Variants in CACNA2D3 observed in about 807,000 individuals in gnomAD.
CACNA2D3 encodes the protein voltage-dependent calcium channel subunit alpha-2/delta-3.
A neutral mutation model predicts 160.6 loss-of-function variants in CACNA2D3; 60 were observed. The observed-to-expected ratio is 0.37, with a 90% confidence interval of 0.30 to 0.46. CACNA2D3 has a LOEUF of 0.46. CACNA2D3 is among the 20% of genes least tolerant of loss of function. The pLI is 1.00. For missense variants in CACNA2D3, 1,205 were observed against 1,365.0 expected (o/e 0.88, Z 1.85); for synonymous variants, 558 against 492.9 (o/e 1.13, Z -1.75).
At chr3:54,726,516 A>G (rs987637651) in intron 11 of CACNA2D3, among the ~76,000 whole-genome samples, 8 of 152,208 alleles carry the variant, frequency 5.3e-5, no homozygotes, top group African/African-American at 1.4e-4. Flanking sequence ...AAACTATACT[A>G]CAAGACTACA....
chr3:54,734,596 G>T (rs1701459659), intron 11 of CACNA2D3, among the ~76,000 whole-genome samples: 1 of 152,192 alleles, frequency 6.6e-6, no homozygotes, highest in African/African-American at 2.4e-5. Context: ...TCACTACCCT[G>T]GTTGTTTCAT....
At chr3:54,133,541 C>A (rs1177985203) in intron 2 of CACNA2D3, among the ~76,000 whole-genome samples, 1 of 152,168 alleles carries the variant, frequency 6.6e-6, no homozygotes, top group Non-Finnish European at 1.5e-5. Context: ...TTAAAATTGT[C>A]CCCGGTGGAA....
At chr3:54,173,791 A>C (rs767556362) in intron 2 of CACNA2D3, among the ~76,000 whole-genome samples, 1 of 152,246 alleles carries the variant, frequency 6.6e-6, no homozygotes, top group African/African-American at 2.4e-5. Context: ...CTGACTTTAC[A>C]AAAGAAAGTC....
chr3:54,547,449 T>C (rs1268658641), intron 5 of CACNA2D3, among the ~76,000 whole-genome samples: 2 of 152,144 alleles, frequency 1.3e-5, no homozygotes, highest in Non-Finnish European at 2.9e-5. Context: ...TGCTCACAGA[T>C]GATATTGCCC....
intron 2 of CACNA2D3, among the ~76,000 whole-genome samples, chr3:54,268,824 C>T (rs557524198): frequency 6.6e-6 from 1 of 152,270 alleles, no homozygotes; most frequent in East Asian, 1.9e-4. Flanking sequence ...CCCTTGTCTT[C>T]TAATGATTAT....
At chr3:54,919,443 G>A (rs1393342151) in intron 27 of CACNA2D3, among the ~76,000 whole-genome samples, 2 of 152,190 alleles carry the variant, frequency 1.3e-5, no homozygotes, top group African/African-American at 4.8e-5. Flanking sequence ...TGACAATACT[G>A]GAAGTTTAGT....
intron 3 of CACNA2D3, among the ~76,000 whole-genome samples, chr3:54,381,236 A>T (rs2106645888): frequency 6.6e-6 from 1 of 152,088 alleles, no homozygotes; most frequent in South Asian, 2.1e-4. Context: ...GCTCTTCCTT[A>T]TGGTTTTTAT....
intron 10 of CACNA2D3, chr3:54,639,027 G>C (rs1699443442): frequency 6.6e-6 from 1 of 152,142 alleles, no homozygotes; most frequent in Non-Finnish European, 1.5e-5. Flanking sequence ...TTCCCCTCCA[G>C]AAAAGCAGAG....
chr3:54,890,306 C>T (rs540407770), intron 24 of CACNA2D3, among the ~76,000 whole-genome samples: 1 of 152,060 alleles, frequency 6.6e-6, no homozygotes, highest in African/African-American at 2.4e-5. Flanking sequence ...ACCATCCTGG[C>T]TAACACAGTG....
At chr3:54,838,537 G>A (rs1359488478) in intron 15 of CACNA2D3, 31 bp from the exon 16 acceptor site, 4 of 1,551,922 alleles carry the variant, frequency 2.6e-6, no homozygotes. Context: ...TTAACTTACT[G>A]TTATTATAAT....
intron 2 of CACNA2D3, among the ~76,000 whole-genome samples, chr3:54,167,754 T>A (rs1337082838): frequency 6.6e-6 from 1 of 152,204 alleles, no homozygotes; most frequent in Non-Finnish European, 1.5e-5. Context: ...GGAGAGGCTC[T>A]GGCGGAAGTG....
At chr3:54,283,497 C>G (rs556273432) in intron 2 of CACNA2D3, among the ~76,000 whole-genome samples, 133 of 152,272 alleles carry the variant, frequency 8.7e-4, no homozygotes, top group African/African-American at 3.1e-3. Context: ...AGATACCTAA[C>G]AGAGCAGATA....
In CACNA2D3 at chr3:54,707,426, A is replaced by C. The variant is rs536642948; in HGVS notation, c.1168-45173A>C. The stretch of plus-strand genomic sequence containing the variant: ...TCAACCCTGGCTCATCCTGCCATCA[A>C]TCCGATGCCTCAGTGCAAAAGACAT... On this transcript the variant is annotated intron_variant, in intron 11 of 37. Coordinates refer to ENST00000474759, the MANE Select transcript of CACNA2D3 (RefSeq NM_018398.3). 3.3e-5 allele frequency among the ~76,000 whole-genome samples: 5 copies of C among 152,324 alleles called. No homozygotes were observed. In the South Asian group the frequency reaches 1.0e-3, roughly 32 times the overall value.
chr3:54,980,207 G>A (rs945462882), intron 29 of CACNA2D3, among the ~76,000 whole-genome samples: 3 of 152,116 alleles, frequency 2.0e-5, no homozygotes, highest in Non-Finnish European at 4.4e-5. Context: ...GTCTTAATCA[G>A]TTTGACCACG....
intron 29 of CACNA2D3, 26 bp downstream of exon 29, chr3:54,969,870 CTACCCCTGTGGA>C: frequency 1.2e-6 from 2 of 1,607,158 alleles, no homozygotes; most frequent in Non-Finnish European, 1.7e-6. Context: ...GGTCCTGTTT[CTACCCCTGTGGA>C]TAGAAGGTGA....
At chr3:54,591,737 C>A (rs1006647882) in intron 9 of CACNA2D3, among the ~76,000 whole-genome samples, 4 of 151,980 alleles carry the variant, frequency 2.6e-5, no homozygotes, top group Admixed American at 2.6e-4. Flanking sequence ...GTCTAAACAC[C>A]CTGAATGGAG....
At chr3:54,744,564 C>A (rs1383144937) in intron 11 of CACNA2D3, among the ~76,000 whole-genome samples, 3 of 152,142 alleles carry the variant, frequency 2.0e-5, no homozygotes, top group African/African-American at 7.2e-5. Flanking sequence ...CTCTAGTGTT[C>A]CTGATTATGT....
intron 11 of CACNA2D3, among the ~76,000 whole-genome samples, chr3:54,645,437 G>C (rs1303640262): frequency 6.6e-6 from 1 of 152,230 alleles, no homozygotes; most frequent in African/African-American, 2.4e-5. Flanking sequence ...ACACCTGGCA[G>C]TTTGGGTCCA....
chr3:54,884,493 A>C (rs1185196702), intron 21 of CACNA2D3, among the ~76,000 whole-genome samples: 2 of 152,254 alleles, frequency 1.3e-5, no homozygotes, highest in African/African-American at 4.8e-5. Flanking sequence ...TCAGTCATTT[A>C]AGAAACTAAC....
Sources: allele counts gnomAD v4.1 joint callset (sites outside exome capture counted in the v4.1 genomes callset), GRCh38; gene constraint gnomAD v4.1.1; transcripts MANE v1.5; gene names NCBI Gene and HGNC (gene_info 2026-07-23, HGNC 2026-07-21).